Variants in NKAIN3 observed in about 807,000 individuals in gnomAD.
The protein encoded by NKAIN3 is sodium/potassium-transporting ATPase subunit beta-1-interacting protein 3.
NKAIN3 carries 25 observed loss-of-function variants against 30.2 expected under a neutral mutation model. The ratio of observed to expected loss-of-function variants is 0.83; its 90% CI spans 0.60 to 1.16. The LOEUF is 1.16. Ranked by LOEUF, NKAIN3 falls within the 50% of genes most tolerant of loss-of-function variation. The pLI is 0.00. For synonymous variants in NKAIN3, 91 were observed against 89.6 expected (o/e 1.02, Z -0.09); for missense variants, 225 against 254.1 (o/e 0.89, Z 0.78).
chr8:62,806,631 A>C (rs1818293338), intron 4 of NKAIN3, among the ~76,000 whole-genome samples: 1 of 152,022 alleles, frequency 6.6e-6, no homozygotes, highest in Non-Finnish European at 1.5e-5. Flanking sequence ...TGGAATGAGA[A>C]CATCACACTC....
intron 1 of NKAIN3, among the ~76,000 whole-genome samples, chr8:62,309,191 AT>A (rs770203701): frequency 6.6e-6 from 1 of 150,840 alleles, no homozygotes; most frequent in East Asian, 1.9e-4. Context: ...TAAAAATAAT[AT>A]TTGTACACCT....
intron 3 of NKAIN3, among the ~76,000 whole-genome samples, chr8:62,681,758 C>A (rs1813651435): frequency 6.6e-6 from 1 of 152,088 alleles, no homozygotes; most frequent in African/African-American, 2.4e-5. Context: ...AGATAACATA[C>A]TTGAATATTG....
intron 4 of NKAIN3, among the ~76,000 whole-genome samples, chr8:62,908,037 G>A (rs1443556713): frequency 6.6e-6 from 1 of 152,194 alleles, no homozygotes; most frequent in Non-Finnish European, 1.5e-5. Context: ...CAGCCAGGAT[G>A]GGGGTGATAC....
chr8:62,706,676 A>G (rs991803821), intron 3 of NKAIN3, among the ~76,000 whole-genome samples: 2 of 152,044 alleles, frequency 1.3e-5, no homozygotes, highest in Non-Finnish European at 2.9e-5. Flanking sequence ...TTTAATATTT[A>G]CTTATTTATT....
At chr8:62,367,799 T>A (rs1338765480) in intron 1 of NKAIN3, among the ~76,000 whole-genome samples, 1 of 152,130 alleles carries the variant, frequency 6.6e-6, no homozygotes, top group Non-Finnish European at 1.5e-5. Context: ...GAAGTTAAAT[T>A]GTCCTTCTTT....
At chr8:62,442,756 A>G (rs754510973) in intron 1 of NKAIN3, among the ~76,000 whole-genome samples, 14 of 151,882 alleles carry the variant, frequency 9.2e-5, no homozygotes, top group Non-Finnish European at 1.6e-4. Flanking sequence ...CTATGCCCTC[A>G]ATTGTTGATA....
intron 3 of NKAIN3, among the ~76,000 whole-genome samples, chr8:62,719,023 A>G (rs1047738926): frequency 6.6e-6 from 1 of 152,310 alleles, no homozygotes; most frequent in South Asian, 2.1e-4. Flanking sequence ...CTACGAAAAG[A>G]TAAATTACAC....
chr8:62,467,555 TTAAC>T (rs1383316448), intron 1 of NKAIN3, among the ~76,000 whole-genome samples: 3 of 152,156 alleles, frequency 2.0e-5, no homozygotes, highest in Admixed American at 6.6e-5. Flanking sequence ...ACACTTTTCA[TTAAC>T]TAATTTTTTA....
At chr8:62,593,283 C>T (rs1429929772) in intron 3 of NKAIN3, among the ~76,000 whole-genome samples, 1 of 151,116 alleles carries the variant, frequency 6.6e-6, no homozygotes, top group South Asian at 2.1e-4. Context: ...TAATAATTCA[C>T]AAATCAAAGA....
At chr8:62,378,525 G>A (rs1817168809) in intron 1 of NKAIN3, among the ~76,000 whole-genome samples, 2 of 152,176 alleles carry the variant, frequency 1.3e-5, no homozygotes, top group Admixed American at 1.3e-4. Context: ...TGATTTCCTG[G>A]GCCAGATCCA....
intron 5 of NKAIN3, among the ~76,000 whole-genome samples, chr8:62,945,751 C>A (rs1365259404): frequency 6.6e-6 from 1 of 152,172 alleles, no homozygotes; most frequent in South Asian, 2.1e-4. Context: ...CCTTCTCACT[C>A]CCCACAATGA....
At chr8:62,519,104 G>A (rs1039572510) in intron 1 of NKAIN3, among the ~76,000 whole-genome samples, 1 of 152,168 alleles carries the variant, frequency 6.6e-6, no homozygotes, top group African/African-American at 2.4e-5. Flanking sequence ...CAAAAAAGAA[G>A]TTGGAGACAC....
At position 62,968,735 on chromosome 8, in the gene NKAIN3, G is replaced by A. The variant is rs569597465; in HGVS notation, c.*3328G>A. Reference sequence around the variant, plus strand: ...ACCTTGGCCAGCCCTTCCTCAGGCCGTGCCTTCTATCTTGTGTGAATGATG... The same window carrying A: ...ACCTTGGCCAGCCCTTCCTCAGGCCATGCCTTCTATCTTGTGTGAATGATG... On this transcript the variant is annotated 3_prime_UTR_variant, in exon 7 of 7. Transcript: ENST00000623646. 3.9e-5 allele frequency among the ~76,000 whole-genome samples: 6 copies of A among 152,248 alleles called. No homozygotes were observed. The highest frequency in any genetic ancestry group is 1.2e-4 in the African/African-American group (5 of 41,548).
rs570694384 is a variant in NKAIN3, at chr8:62,254,840, A to C, written c.54+5713A>C. On this transcript the variant is annotated intron_variant, in intron 1 of 6. Transcript: ENST00000623646. ...AAATAATTTTATTAAATGTTTAGTA[A>C]AGTACTAAGCAGTCATTTAAATTAG... Among the ~76,000 whole-genome samples the C allele has an allele frequency of 1.4e-4, 21 of 152,338 alleles. 1 individual carries two copies. The highest frequency in any genetic ancestry group is 2.4e-4 in the Non-Finnish European group (16 of 68,028).
chr8:62,677,783 T>A (rs2130407109), intron 3 of NKAIN3, among the ~76,000 whole-genome samples: 1 of 152,310 alleles, frequency 6.6e-6, no homozygotes, highest in South Asian at 2.1e-4. Flanking sequence ...CCTGGTAGAA[T>A]GACCCACCTG....
chr8:62,425,228 C>A (rs1055685464), intron 1 of NKAIN3, among the ~76,000 whole-genome samples: 2 of 151,768 alleles, frequency 1.3e-5, no homozygotes, highest in African/African-American at 2.4e-5. Flanking sequence ...CTATAGTTAA[C>A]AATATGCACC....
At chr8:62,799,106 T>C (rs1817969404) in intron 4 of NKAIN3, among the ~76,000 whole-genome samples, 1 of 152,128 alleles carries the variant, frequency 6.6e-6, no homozygotes, top group African/African-American at 2.4e-5. Context: ...TTGTTGGGAC[T>C]GGAAATGGAG....
intron 1 of NKAIN3, among the ~76,000 whole-genome samples, chr8:62,311,064 C>T (rs1040502016): frequency 1.3e-5 from 2 of 150,410 alleles, no homozygotes; most frequent in Non-Finnish European, 2.9e-5. Flanking sequence ...CCTGAAATCT[C>T]ATTCCTGGAG....
At chr8:62,793,011 C>T (rs1402800742) in intron 4 of NKAIN3, among the ~76,000 whole-genome samples, 1 of 151,996 alleles carries the variant, frequency 6.6e-6, no homozygotes, top group African/African-American at 2.4e-5. Flanking sequence ...AGAGATAATC[C>T]TTTATGTTGG....
Sources: allele counts gnomAD v4.1 joint callset (sites outside exome capture counted in the v4.1 genomes callset), GRCh38; gene constraint gnomAD v4.1.1; transcripts MANE v1.5; gene names NCBI Gene and HGNC (gene_info 2026-07-23, HGNC 2026-07-21).